Variants in TENT5D observed in about 807,000 individuals in gnomAD.
The protein encoded by TENT5D is terminal nucleotidyltransferase 5D.
For synonymous variants in TENT5D, 103 were observed against 100.6 expected (o/e 1.02, Z -0.15); for missense variants, 191 against 287.0 (o/e 0.67, Z 2.42).
At chrX:80,412,928 G>C (rs1931700353) in intron 3 of TENT5D, among the ~76,000 whole-genome samples, 1 of 107,769 alleles carries the variant, frequency 9.3e-6, no homozygotes, top group African/African-American at 3.5e-5. Flanking sequence ...TGGGGTTTTT[G>C]TTTTGGTGTT....
At chrX:80,356,265 A>G (rs1386634777) in intron 3 of TENT5D, among the ~76,000 whole-genome samples, 1 of 112,043 alleles carries the variant, frequency 8.9e-6, no homozygotes, top group Non-Finnish European at 1.9e-5. Flanking sequence ...TGTTAAAATC[A>G]TCTTTCTCCT....
intron 1 of TENT5D, among the ~76,000 whole-genome samples, chrX:80,433,743 A>G (rs1380420956): frequency 1.8e-5 from 2 of 111,967 alleles, no homozygotes; most frequent in African/African-American, 6.5e-5. Context: ...TTCCACCTAC[A>G]TATAAGAATT....
At chrX:80,382,071 T>C (rs1930877817) in intron 3 of TENT5D, among the ~76,000 whole-genome samples, 1 of 112,166 alleles carries the variant, frequency 8.9e-6, no homozygotes, top group Non-Finnish European at 1.9e-5. Flanking sequence ...TCTGCTCTGG[T>C]TTCTCCCCAT....
rs759072984 is a variant in TENT5D at position 80,405,293 on chromosome X, G to A, written c.-141-33317G>A. Among the ~76,000 whole-genome samples the A allele has an allele frequency of 8.7e-3, 984 of 112,789 alleles. 6 individuals carry two copies. Among genetic ancestry groups the A allele is most frequent in the Non-Finnish European group, 0.015 (782 of 53,294 alleles). On this transcript the variant is annotated intron_variant, in intron 3 of 4. Transcript: ENST00000538312. ...GAACAGCTCCGGTCTACAGCTCCCAGTGTGAGCAACACAGAAGACGGGTGA... is the reference window on the plus strand; with the variant it reads ...GAACAGCTCCGGTCTACAGCTCCCAATGTGAGCAACACAGAAGACGGGTGA...
At chrX:80,349,157 A>T (rs1030236052) in intron 3 of TENT5D, among the ~76,000 whole-genome samples, 14 of 112,133 alleles carry the variant, frequency 1.2e-4, no homozygotes, top group Admixed American at 1.9e-4. Flanking sequence ...TGGAATCAGG[A>T]TGATGCTGGC....
chrX:80,399,450 T>C (rs1222116000), intron 3 of TENT5D, among the ~76,000 whole-genome samples: 3 of 112,112 alleles, frequency 2.7e-5, no homozygotes, highest in Non-Finnish European at 5.6e-5. Flanking sequence ...AGGCTTTCTT[T>C]TTTTCCCATT....
At chrX:80,423,550 G>A (rs1931928628) in intron 1 of TENT5D, among the ~76,000 whole-genome samples, 1 of 110,613 alleles carries the variant, frequency 9.0e-6, no homozygotes, top group Non-Finnish European at 1.9e-5. Flanking sequence ...CCAATCAGGA[G>A]CTGAAGTGAT....
exon 3 of TENT5D, chrX:80,442,861 C>T: frequency 8.3e-7 from 1 of 1,210,816 alleles, no homozygotes; most frequent in Non-Finnish European, 1.1e-6. Context: ...TCTAGACTGT[C>T]TACTTGACTT....
chrX:80,397,800 G>A (rs1049352560), intron 3 of TENT5D, among the ~76,000 whole-genome samples: 8 of 112,273 alleles, frequency 7.1e-5, no homozygotes, highest in Non-Finnish European at 1.3e-4. Context: ...GTGGCGGCGC[G>A]CGCCTGCAAT....
exon 3 of TENT5D, chrX:80,442,680 G>A (rs1185851062): frequency 8.3e-7 from 1 of 1,209,385 alleles, no homozygotes; most frequent in African/African-American, 1.7e-5. Context: ...TTCATGTTGT[G>A]AAAGATCAAC....
At chrX:80,404,096 C>T (rs963968397) in intron 3 of TENT5D, among the ~76,000 whole-genome samples, 6 of 111,166 alleles carry the variant, frequency 5.4e-5, no homozygotes, top group East Asian at 2.8e-4. Flanking sequence ...TACACAATTT[C>T]GTCTGGTTCA....
chrX:80,336,145 T>TTA (rs1396455191), intron 2 of TENT5D, among the ~76,000 whole-genome samples: 4 of 111,515 alleles, frequency 3.6e-5, no homozygotes, highest in African/African-American at 1.3e-4. Flanking sequence ...AAACAATTAG[T>TTA]ATATTCTCTT....
At chrX:80,408,870 TC>T (rs1436795093) in intron 3 of TENT5D, among the ~76,000 whole-genome samples, 1 of 109,733 alleles carries the variant, frequency 9.1e-6, no homozygotes, top group East Asian at 2.9e-4. Flanking sequence ...GCAAACCGAA[TC>T]CAGCAGCACA....
intron 3 of TENT5D, among the ~76,000 whole-genome samples, chrX:80,397,761 C>T (rs1409245467): frequency 2.7e-5 from 3 of 112,680 alleles, no homozygotes; most frequent in Non-Finnish European, 5.6e-5. Flanking sequence ...ACCCCGTCTC[C>T]ACCAAAAAAA....
intron 1 of TENT5D, among the ~76,000 whole-genome samples, chrX:80,423,909 A>G (rs1170919856): frequency 1.8e-5 from 2 of 110,622 alleles, no homozygotes; most frequent in African/African-American, 6.6e-5. Flanking sequence ...TCTTTATCTG[A>G]GTGGGCCAGA....
At chrX:80,358,260 G>A (rs1367051449) in intron 3 of TENT5D, among the ~76,000 whole-genome samples, 1 of 111,152 alleles carries the variant, frequency 9.0e-6, no homozygotes. Context: ...CATGGGCAAG[G>A]ACTTCATGTC....
intron 1 of TENT5D, among the ~76,000 whole-genome samples, chrX:80,428,572 G>C (rs1478342456): frequency 8.9e-6 from 1 of 112,397 alleles, no homozygotes; most frequent in Non-Finnish European, 1.9e-5. Context: ...TTCAAGCAAG[G>C]CTTGCTTTAA....
intron 3 of TENT5D, among the ~76,000 whole-genome samples, chrX:80,374,858 T>C (rs1930694820): frequency 9.0e-6 from 1 of 111,317 alleles, no homozygotes; most frequent in Non-Finnish European, 1.9e-5. Flanking sequence ...TGGTTAAGCA[T>C]CCTAAATCTG....
chrX:80,399,213 G>A (rs750967866), intron 3 of TENT5D, among the ~76,000 whole-genome samples: 4 of 111,585 alleles, frequency 3.6e-5, no homozygotes, highest in African/African-American at 9.8e-5. Flanking sequence ...GTTTTCTCCC[G>A]TGTTTTTCTA....
Sources: gnomAD v4.1 joint callset for allele counts (sites outside exome capture counted in the v4.1 genomes callset) on GRCh38, gnomAD v4.1.1 for gene constraint, MANE v1.5 for transcripts, NCBI Gene and HGNC (gene_info 2026-07-23, HGNC 2026-07-21) for gene names.